MYH7B: variants seen among roughly 807,000 people sequenced by gnomAD.
MYH7B encodes the protein myosin heavy chain 7B, also known as myosin-7B.
In MYH7B, 205 loss-of-function variants were observed where a neutral mutation model predicts 234.5. That is an observed-to-expected ratio of 0.87 (90% CI 0.78 to 0.98). The LOEUF (loss-of-function observed/expected upper bound fraction) is 0.98. Among genes scored for constraint, MYH7B ranks in the 50% least tolerant of loss-of-function variants. MYH7B has a pLI of 0.00. For synonymous variants in MYH7B, 1,193 were observed against 1,105.0 expected (o/e 1.08, Z -1.58); for missense variants, 2,652 against 2,633.4 (o/e 1.01, Z -0.15).
chr20:34,999,501 G>A (rs201342738), intron 36 of MYH7B, 70 bp from the exon 37 acceptor site: 2,363 of 1,498,692 alleles, frequency 1.6e-3, no homozygotes, highest in Admixed American at 2.9e-3. Flanking sequence ...CTGGAATCAG[G>A]GGTGAGTGGA....
Position 34,991,114 on chromosome 20 carries a change from C to T in MYH7B, c.2176C>T (p.Arg726Trp), listed in dbSNP as rs370220364. 39 of 1,606,656 alleles carry T rather than the reference C, an allele frequency of 2.4e-5. No homozygotes were observed. The highest frequency in any genetic ancestry group is 1.7e-4 in the African/African-American group (13 of 74,906). ...CAACAGGTTGCTCTACACCGACTTC[C>T]GGCAGCGGTGGGTGACCCCTTCCCC... Residue 726 changes from arginine (R) to tryptophan (W), a missense_variant, in exon 24 of 45, where the codon CGG (arginine) becomes TGG (tryptophan). Around this residue, in one of 3 missense-constraint regions of MYH7B, gnomAD observed 2,279 missense variants for 2,211.4 expected, o/e 1.03. Transcript: ENST00000262873.
chr20:34,988,324 T>C, intron 19 of MYH7B, 62 bp downstream of exon 19: 1 of 1,545,868 alleles, frequency 6.5e-7, no homozygotes. Flanking sequence ...CAAGCAGGGA[T>C]GGATGACCAT....
At chr20:34,988,673 G>A (rs1255271726) in intron 19 of MYH7B, among the ~76,000 whole-genome samples, 1 of 152,040 alleles carries the variant, frequency 6.6e-6, no homozygotes, top group Non-Finnish European at 1.5e-5. Flanking sequence ...GGAACATTAT[G>A]TATATTTACC....
Position 34,997,616 on chromosome 20 carries a change from C to T in MYH7B, c.3723C>T (p.Asn1241=), listed in dbSNP as rs759162769. ...TGGAGGTGGACGACCTGGCTGCCAACGTGGAGACTCTGACCCGCGCCAAGG... is the reference window on the plus strand; with the variant it reads ...TGGAGGTGGACGACCTGGCTGCCAATGTGGAGACTCTGACCCGCGCCAAGG... The change falls in exon 32 of 45, where the codon AAC becomes AAT. Residue 1241 remains asparagine (N), a synonymous_variant. Coordinates refer to ENST00000262873, the Ensembl canonical transcript of MYH7B. The T allele has an allele frequency of 6.2e-6, 10 of 1,613,452 alleles. No individual in the cohort carries two copies. Among genetic ancestry groups the T allele is most frequent in the Admixed American group, 5.0e-5 (3 of 59,942 alleles).
At chr20:34,999,281 G>C in exon 36 of MYH7B, 1 of 1,593,780 alleles carries the variant, frequency 6.3e-7, no homozygotes. Context: ...AGATGCAGCG[G>C]GAGCTGGAGG....
At chr20:34,990,614 G>C (rs2082127680) in intron 22 of MYH7B, 124 bp from the exon 23 acceptor site, 5 of 854,874 alleles carry the variant, frequency 5.8e-6, no homozygotes, top group Non-Finnish European at 7.8e-6. Flanking sequence ...ACCAGAATGA[G>C]AGTGAAAGAG....
At chr20:34,957,065 A>G in intron 1 of MYH7B, among the ~76,000 whole-genome samples, 1 of 152,168 alleles carries the variant, frequency 6.6e-6, no homozygotes, top group South Asian at 2.1e-4. Context: ...AAAACAAAAC[A>G]AACGAGCAGC....
chr20:34,987,008 G>A lies in MYH7B; in HGVS notation c.1008+19G>A. On this transcript the variant is annotated intron_variant, in intron 15 of 44. Coordinates refer to ENST00000262873, the Ensembl canonical transcript of MYH7B. ...CACCGACGTATGAGCTCTGGTGGGAGGGGAGCTGTGTGGACGCCTGTGGTG... is the reference window on the plus strand; with the variant it reads ...CACCGACGTATGAGCTCTGGTGGGAAGGGAGCTGTGTGGACGCCTGTGGTG... 6.2e-7 allele frequency: 1 copy of A among 1,611,240 alleles called. No individual in the cohort carries two copies. The highest frequency in any genetic ancestry group is 8.5e-7 in the Non-Finnish European group (1 of 1,177,846).
chr20:34,982,487 A>T (rs1350463351), exon 10 of MYH7B: 1 of 1,613,824 alleles, frequency 6.2e-7, no homozygotes, highest in Non-Finnish European at 8.5e-7. Context: ...TAAGACGGTT[A>T]ACACCAAGCG....
At chr20:34,970,156 A>G (rs2081779420) in intron 2 of MYH7B, among the ~76,000 whole-genome samples, 1 of 152,146 alleles carries the variant, frequency 6.6e-6, no homozygotes, top group South Asian at 2.1e-4. Flanking sequence ...TGAGACTCAC[A>G]TCATGCCCTC....
At chr20:34,999,851 A>G (rs907373416) in exon 38 of MYH7B, 2 of 1,613,176 alleles carry the variant, frequency 1.2e-6, no homozygotes, top group East Asian at 2.2e-5. Flanking sequence ...CTCCCAGGTC[A>G]AAGCAGAAGT....
At chr20:34,996,402 C>G in exon 29 of MYH7B, 1 of 1,612,638 alleles carries the variant, frequency 6.2e-7, no homozygotes, top group East Asian at 2.2e-5. Flanking sequence ...CCCGGCTGAC[C>G]AAGGAGAAGA....
Position 34,995,953 on chromosome 20 carries a change from G to A in MYH7B, c.2943+375G>A, listed in dbSNP as rs373345861. 3.1e-4 allele frequency among the ~76,000 whole-genome samples: 47 copies of A among 152,362 alleles called. No individual in the cohort carries two copies. The South Asian group carries it at 7.7e-3, about 25-fold the overall frequency. On this transcript the variant is annotated intron_variant, in intron 28 of 44. Coordinates refer to ENST00000262873, the Ensembl canonical transcript of MYH7B. ...CCCTTGAGCCCTCGTGATGGCCCCT[G>A]TGGTTCCCAGTGCTGGAGGAGGGAC...
chr20:34,999,944 CAGA>C (rs768771851), intron 38 of MYH7B, 38 bp downstream of exon 38: 6 of 1,562,714 alleles, frequency 3.8e-6, no homozygotes, highest in Admixed American at 1.7e-5. Context: ...CTCCCGAGAG[CAGA>C]AGGGGAGGGA....
Position 34,997,702 on chromosome 20 carries a change from C to A in MYH7B, c.3747+62C>A, listed in dbSNP as rs1157669461. 3 of 1,585,310 alleles carry A rather than the reference C, an allele frequency of 1.9e-6. No homozygotes were observed. In the African/African-American group the frequency reaches 4.0e-5, roughly 21 times the overall value. Reference sequence around the variant, plus strand: ...TTTAAACCAATCCCGATCCCAGCAGCCAATACTGTTCCCACACCAGCCTCC... The same window carrying A: ...TTTAAACCAATCCCGATCCCAGCAGACAATACTGTTCCCACACCAGCCTCC... On this transcript the variant is annotated intron_variant, in intron 32 of 44. Transcript: ENST00000262873.
chr20:34,997,215 C>T, intron 31 of MYH7B, 36 bp from the exon 32 acceptor site: 4 of 1,554,228 alleles, frequency 2.6e-6, no homozygotes, highest in Non-Finnish European at 3.5e-6. Context: ...GTCAGAGGCC[C>T]ACAGAGGTGA....
At chr20:34,998,660 CAG>C in intron 34 of MYH7B, 31 bp downstream of exon 34, 1 of 1,612,298 alleles carries the variant, frequency 6.2e-7, no homozygotes, top group Non-Finnish European at 8.5e-7. Context: ...ATGGAGTGGG[CAG>C]GTGGGCACCA....
intron 2 of MYH7B, among the ~76,000 whole-genome samples, chr20:34,973,041 A>T (rs1351846187): frequency 6.6e-6 from 1 of 152,240 alleles, no homozygotes; most frequent in Non-Finnish European, 1.5e-5. Flanking sequence ...GATGCAAAAA[A>T]TAAATAAATA....
intron 1 of MYH7B, among the ~76,000 whole-genome samples, chr20:34,957,876 G>T (rs2081656581): frequency 6.6e-6 from 1 of 152,216 alleles, no homozygotes; most frequent in East Asian, 1.9e-4. Context: ...GTCACGGGAT[G>T]GGGGGAGATG....
Sources: gnomAD v4.1 joint callset for allele counts (sites outside exome capture counted in the v4.1 genomes callset) on GRCh38, gnomAD v4.1.1 for gene constraint, gnomAD v4.1.1 regional missense constraint, MANE v1.5 for transcripts, NCBI Gene and HGNC (gene_info 2026-07-23, HGNC 2026-07-21) for gene names.